The following SPP2 variants were observed in gnomAD, a reference collection of about 807,000 sequenced individuals.
SPP2 encodes the protein secreted phosphoprotein 2.
A neutral mutation model predicts 28.8 loss-of-function variants in SPP2; 34 were observed. That is an observed-to-expected ratio of 1.18 (90% CI 0.90 to 1.57). The LOEUF is 1.57. SPP2 is among the 40% of genes most tolerant of loss of function. SPP2 has a pLI of 0.00. For missense variants in SPP2, 269 were observed against 263.9 expected, an observed-to-expected ratio of 1.02 and a Z score of -0.13; for synonymous variants, 96 against 89.4, an observed-to-expected ratio of 1.07 and a Z score of -0.42.
intron 2 of SPP2, among the ~76,000 whole-genome samples, 180 bp from the exon 3 acceptor site, chr2:234,058,656 T>C (rs773705505): frequency 6.6e-6 from 1 of 152,214 alleles, no homozygotes; most frequent in Non-Finnish European, 1.5e-5. Context: ...CTTTGTTAAG[T>C]CACTTTTCCT....
chr2:234,052,364 C>T (rs536230410), intron 2 of SPP2, among the ~76,000 whole-genome samples: 1 of 152,162 alleles, frequency 6.6e-6, no homozygotes, highest in South Asian at 2.1e-4. Context: ...GTCTTTTTGC[C>T]AACCTTGCAG....
intron 7 of SPP2, among the ~76,000 whole-genome samples, chr2:234,075,773 C>T (rs1690883102): frequency 6.6e-6 from 1 of 152,168 alleles, no homozygotes; most frequent in African/African-American, 2.4e-5. Flanking sequence ...CAATCAATGG[C>T]AGCCTGCCAG....
At chr2:234,055,081 C>T (rs895544635) in intron 2 of SPP2, among the ~76,000 whole-genome samples, 5 of 152,092 alleles carry the variant, frequency 3.3e-5, no homozygotes, top group Non-Finnish European at 5.9e-5. Context: ...AGTGAGGGTT[C>T]TCCAGAGAAA....
intron 4 of SPP2, among the ~76,000 whole-genome samples, chr2:234,062,644 T>G (rs1693743085): frequency 6.6e-6 from 1 of 152,110 alleles, no homozygotes; most frequent in African/African-American, 2.4e-5. Context: ...ATGGAGTAAA[T>G]ATGAAATAAA....
chr2:234,052,663 A>G (rs1258382426), intron 2 of SPP2, among the ~76,000 whole-genome samples: 1 of 152,206 alleles, frequency 6.6e-6, no homozygotes, highest in Non-Finnish European at 1.5e-5. Flanking sequence ...CACATGAAAA[A>G]TGTTGCCTCT....
At chr2:234,064,410 A>T (rs1034886544) in intron 4 of SPP2, among the ~76,000 whole-genome samples, 60 of 152,142 alleles carry the variant, frequency 3.9e-4, no homozygotes, top group African/African-American at 1.4e-3. Context: ...TGCCAGTTAG[A>T]GAAACCTCTT....
intron 7 of SPP2, among the ~76,000 whole-genome samples, chr2:234,070,413 A>G (rs1264691476): frequency 1.3e-5 from 2 of 152,182 alleles, no homozygotes; most frequent in South Asian, 2.1e-4. Context: ...CCTCACATCT[A>G]TGAAATCTCA....
At position 234,067,269 on chromosome 2, in the gene SPP2, C is replaced by T; in HGVS notation, c.545C>T (p.Ser182Leu). ...ESISEQFYDRSLGIMRRVLPP... is the reference protein window; with the variant it reads ...ESISEQFYDRLLGIMRRVLPP... ...ATAAGTGAACAATTTTATGATCGGT[C>T]ACTTGGTAAGTGATTTCTTTCCTGC... The change falls in exon 6 of 8, where the codon TCA (serine) becomes TTA (leucine). Residue 182 changes from serine (S) to leucine (L), a missense_variant. Transcript: ENST00000168148. 6.2e-7 allele frequency: 1 copy of T among 1,613,962 alleles called. No individual in the cohort carries two copies.
At chr2:234,067,321 A>G (rs374041975) in intron 6 of SPP2, 47 bp downstream of exon 6, 44 of 1,551,780 alleles carry the variant, frequency 2.8e-5, no homozygotes, top group African/African-American at 5.4e-5. Flanking sequence ...TTTCTGATCA[A>G]TCTGGACTCC....
At chr2:234,073,842 C>A (rs761337825) in intron 7 of SPP2, among the ~76,000 whole-genome samples, 1 of 152,114 alleles carries the variant, frequency 6.6e-6, no homozygotes, top group Non-Finnish European at 1.5e-5. Flanking sequence ...CTTATTGAGG[C>A]CTTTTGTCAA....
intron 4 of SPP2, among the ~76,000 whole-genome samples, chr2:234,062,317 G>T (rs1298132204): frequency 6.6e-6 from 1 of 152,208 alleles, no homozygotes; most frequent in Non-Finnish European, 1.5e-5. Context: ...AACAAACAGG[G>T]CAGAGTGTGG....
At chr2:234,065,936 A>G (rs1693809709) in intron 4 of SPP2, among the ~76,000 whole-genome samples, 1 of 152,184 alleles carries the variant, frequency 6.6e-6, no homozygotes, top group South Asian at 2.1e-4. Context: ...TATCAGCACT[A>G]TCTGTTGAAA....
intron 4 of SPP2, among the ~76,000 whole-genome samples, chr2:234,065,373 G>C (rs1559176155): frequency 6.6e-6 from 1 of 152,118 alleles, no homozygotes; most frequent in Non-Finnish European, 1.5e-5. Context: ...TCTGTCTCCT[G>C]GGTTCAAGCA....
chr2:234,057,251 C>T (rs1481838372), intron 2 of SPP2, among the ~76,000 whole-genome samples: 2 of 152,164 alleles, frequency 1.3e-5, no homozygotes, highest in African/African-American at 4.8e-5. Flanking sequence ...TAAATGTAAA[C>T]ACCTTTCCGT....
chr2:234,055,607 A>C (rs1390866019), intron 2 of SPP2, among the ~76,000 whole-genome samples: 1 of 152,228 alleles, frequency 6.6e-6, no homozygotes, highest in Non-Finnish European at 1.5e-5. Flanking sequence ...TAAAAACCAA[A>C]ATGTAATCAT....
chr2:234,066,381 T>A, intron 4 of SPP2, 152 bp from the exon 5 acceptor site: 1 of 661,072 alleles, frequency 1.5e-6, no homozygotes, highest in South Asian at 1.8e-5. Flanking sequence ...TTGATATATA[T>A]AAAGTTATTT....
At chr2:234,060,267 T>A (rs1203066768) in intron 3 of SPP2, 102 bp from the exon 4 acceptor site, 2 of 789,408 alleles carry the variant, frequency 2.5e-6, no homozygotes, top group Non-Finnish European at 4.2e-6. Context: ...TTTTTCTTTG[T>A]CATTTCGTCA....
chr2:234,064,520 G>C (rs758166792), intron 4 of SPP2, among the ~76,000 whole-genome samples: 1 of 151,572 alleles, frequency 6.6e-6, no homozygotes. Flanking sequence ...ATATTTACTT[G>C]TGTACAATGT....
chr2:234,051,590 T>A (rs536261953), intron 2 of SPP2, among the ~76,000 whole-genome samples: 2 of 152,342 alleles, frequency 1.3e-5, no homozygotes, highest in South Asian at 4.1e-4. Flanking sequence ...AATGACTAAG[T>A]CTGTGATATG....
Sources: gnomAD v4.1 joint callset for allele counts (sites outside exome capture counted in the v4.1 genomes callset) on GRCh38, gnomAD v4.1.1 for gene constraint, MANE v1.5 for transcripts, NCBI Gene and HGNC (gene_info 2026-07-23, HGNC 2026-07-21) for gene names.